Variants in ZNF532 observed in about 807,000 individuals in gnomAD.
ZNF532 encodes zinc finger protein 532.
A neutral mutation model predicts 89.3 loss-of-function variants in ZNF532; 22 were observed. That is an observed-to-expected ratio of 0.25 (90% CI 0.18 to 0.35). The LOEUF (loss-of-function observed/expected upper bound fraction) is 0.35. ZNF532 is among the 10% of genes least tolerant of loss of function. The probability of loss-of-function intolerance (pLI) is 1.00; values close to 1 mark genes in which losing one functional copy is unlikely to be tolerated. For synonymous variants in ZNF532, 606 were observed against 649.6 expected (o/e 0.93, Z 1.02); for missense variants, 1,132 against 1,643.4 (o/e 0.69, Z 5.38).
chr18:58,952,172 G>T lies in ZNF532; in HGVS notation c.2869-1346G>T, dbSNP rs560145430. The stretch of plus-strand genomic sequence containing the variant: ...GCTTCTTTCTTAAACATCCAAGAAG[G>T]AATGTGGAGCTGAGGTCTATCAGTG... On this transcript the variant is annotated intron_variant, in intron 6 of 9. Transcript: ENST00000591808. 2.0e-5 allele frequency among the ~76,000 whole-genome samples: 3 copies of T among 152,336 alleles called. No individual in the cohort carries two copies. The South Asian group carries it at 6.2e-4, about 32-fold the overall frequency.
At chr18:58,880,762 ACG>A (rs1555704685) in intron 2 of ZNF532, among the ~76,000 whole-genome samples, 1 of 93,416 alleles carries the variant, frequency 1.1e-5, no homozygotes, top group African/African-American at 3.2e-5. Flanking sequence ...GCGCGCGCGC[ACG>A]CGCGCGCGTC....
intron 2 of ZNF532, among the ~76,000 whole-genome samples, chr18:58,889,378 A>G (rs1181142752): frequency 6.6e-6 from 1 of 152,244 alleles, no homozygotes; most frequent in Non-Finnish European, 1.5e-5. Context: ...TTCTTGAGCC[A>G]TATAACACAT....
At position 58,916,763 on chromosome 18, in the gene ZNF532, T is replaced by G. The variant is rs1277340351; in HGVS notation, c.-17-1508T>G. 3 of 984,348 alleles carry G rather than the reference T, an allele frequency of 3.0e-6. No individual in the cohort carries two copies. The African/African-American group carries it at 5.2e-5, about 17-fold the overall frequency. 61.0% of individuals were successfully genotyped at this position (984,348 alleles called of 1,614,324 possible). The stretch of plus-strand genomic sequence containing the variant: ...TACTGAGGGTCTTAGCAGCTGTTGA[T>G]AGATTTGTGGTGTATATGAGTTTTC... On this transcript the variant is annotated intron_variant, in intron 2 of 9. Transcript: ENST00000591808.
chr18:58,910,755 A>G (rs2060230178), intron 2 of ZNF532, among the ~76,000 whole-genome samples: 1 of 152,146 alleles, frequency 6.6e-6, no homozygotes, highest in African/African-American at 2.4e-5. Context: ...GATTACGAGC[A>G]TGAGCCGCCG....
intron 9 of ZNF532, 110 bp from the exon 10 acceptor site, chr18:58,983,862 A>G: frequency 1.0e-5 from 14 of 1,390,230 alleles, no homozygotes; most frequent in Non-Finnish European, 1.3e-5. Flanking sequence ...TAAATCCCAA[A>G]GCGTTCAGCA....
intron 6 of ZNF532, among the ~76,000 whole-genome samples, chr18:58,948,752 T>TC (rs2063889769): frequency 6.6e-6 from 1 of 151,910 alleles, no homozygotes; most frequent in Non-Finnish European, 1.5e-5. Flanking sequence ...ATTTTTAGTT[T>TC]CACCATGTTG....
At chr18:58,867,287 TG>T (rs1329602696) in intron 2 of ZNF532, among the ~76,000 whole-genome samples, 2 of 152,180 alleles carry the variant, frequency 1.3e-5, no homozygotes, top group African/African-American at 2.4e-5. Flanking sequence ...TCTGTCTTGG[TG>T]GTTTTTAGCT....
chr18:58,915,251 A>G (rs1212802256), intron 2 of ZNF532, among the ~76,000 whole-genome samples: 2 of 152,350 alleles, frequency 1.3e-5, no homozygotes, highest in South Asian at 2.1e-4. Flanking sequence ...TGGCCACTGC[A>G]CTCAGAAATG....
At chr18:58,917,315 AAAG>A (rs2060670114) in intron 2 of ZNF532, among the ~76,000 whole-genome samples, 1 of 152,156 alleles carries the variant, frequency 6.6e-6, no homozygotes, top group Non-Finnish European at 1.5e-5. Flanking sequence ...TTTATGCTAG[AAAG>A]ATGAGTGACA....
At chr18:58,866,614 A>G (rs2056484571) in intron 2 of ZNF532, among the ~76,000 whole-genome samples, 2 of 152,184 alleles carry the variant, frequency 1.3e-5, no homozygotes, top group African/African-American at 4.8e-5. Flanking sequence ...CGAAGTGGGC[A>G]TTTTGTTCCT....
intron 2 of ZNF532, among the ~76,000 whole-genome samples, chr18:58,901,926 C>G (rs2059628963): frequency 6.6e-6 from 1 of 152,196 alleles, no homozygotes; most frequent in African/African-American, 2.4e-5. Context: ...GGCTGCCTCC[C>G]TTCCAGAGAA....
chr18:58,911,877 A>G (rs1225280228), intron 2 of ZNF532, among the ~76,000 whole-genome samples: 1 of 152,200 alleles, frequency 6.6e-6, no homozygotes, highest in Non-Finnish European at 1.5e-5. Flanking sequence ...GTTTTGACCC[A>G]GAAGAGTTTG....
intron 5 of ZNF532, among the ~76,000 whole-genome samples, chr18:58,941,154 A>G (rs1325846000): frequency 6.6e-6 from 1 of 152,110 alleles, no homozygotes; most frequent in African/African-American, 2.4e-5. Context: ...ATTACAAATT[A>G]AGGAATCCAT....
chr18:58,942,505 A>G (rs1000642099), intron 5 of ZNF532, among the ~76,000 whole-genome samples: 3 of 152,066 alleles, frequency 2.0e-5, no homozygotes, highest in Non-Finnish European at 4.4e-5. Context: ...CCAGTGAAAG[A>G]TAAGTTAATC....
intron 2 of ZNF532, among the ~76,000 whole-genome samples, chr18:58,878,975 TTAAA>T (rs1602552665): frequency 1.3e-5 from 2 of 152,244 alleles, no homozygotes; most frequent in Admixed American, 1.3e-4. Context: ...TGTCCTCATT[TTAAA>T]TACTAGTGGA....
Position 58,984,101 on chromosome 18 carries a change from T to C in ZNF532, c.3541T>C (p.Phe1181Leu). Reference sequence around the variant, plus strand: ...GGTTCACAAGTGTGCCGTGTGTGGCTTCACCACCGAAAACCTGCTGCAATT... The same window carrying C: ...GGTTCACAAGTGTGCCGTGTGTGGCCTCACCACCGAAAACCTGCTGCAATT... ...FKVHKCAVCGFTTENLLQFHE... is the reference protein window; with the variant it reads ...FKVHKCAVCGLTTENLLQFHE... Residue 1181 changes from phenylalanine to leucine, a missense_variant, in exon 10 of 10, where the codon TTC (phenylalanine) becomes CTC (leucine). Transcript: ENST00000591808. 6.2e-7 allele frequency: 1 copy of C among 1,611,788 alleles called. No homozygotes were observed.
At chr18:58,884,833 C>G (rs928583922) in intron 2 of ZNF532, among the ~76,000 whole-genome samples, 2 of 152,032 alleles carry the variant, frequency 1.3e-5, no homozygotes, top group African/African-American at 4.8e-5. Flanking sequence ...TTCTTGTTTT[C>G]TCATTGTGAA....
At chr18:58,916,960 A>G (rs571785987) in intron 2 of ZNF532, among the ~76,000 whole-genome samples, 2 of 152,362 alleles carry the variant, frequency 1.3e-5, no homozygotes, top group South Asian at 4.1e-4. Context: ...ATTCGAAGGA[A>G]GGATAATGAC....
upstream of ZNF532, chr18:58,864,436 T>C (rs1385696591): frequency 6.6e-6 from 1 of 152,016 alleles, no homozygotes; most frequent in African/African-American, 2.4e-5. Context: ...CAGACACACA[T>C]AGCTCGCTTT....
Sources: gnomAD v4.1 joint callset for allele counts (sites outside exome capture counted in the v4.1 genomes callset) on GRCh38, gnomAD v4.1.1 for gene constraint, MANE v1.5 for transcripts, NCBI Gene and HGNC (gene_info 2026-07-23, HGNC 2026-07-21) for gene names.